The following CADM2 variants were observed in gnomAD, a reference collection of about 807,000 sequenced individuals.
CADM2 encodes the protein cell adhesion molecule 2.
In CADM2, 12 loss-of-function variants were observed where a neutral mutation model predicts 49.8. The observed-to-expected ratio is 0.24, with a 90% CI of 0.15 to 0.39. CADM2 has a LOEUF of 0.39. Ranked by LOEUF, CADM2 falls within the 10% of genes least tolerant of loss-of-function variation. The pLI is 1.00. For missense variants in CADM2, 378 were observed against 492.3 expected (o/e 0.77, Z 2.20); for synonymous variants, 214 against 175.4 (o/e 1.22, Z -1.74).
chr3:85,618,655 G>A (rs1160670247), intron 1 of CADM2, among the ~76,000 whole-genome samples: 1 of 151,872 alleles, frequency 6.6e-6, no homozygotes, highest in Non-Finnish European at 1.5e-5. Flanking sequence ...CTCTCTCTCT[G>A]TATATAAGGA....
intron 1 of CADM2, among the ~76,000 whole-genome samples, chr3:85,421,256 A>T (rs537074903): frequency 3.9e-5 from 6 of 152,236 alleles, no homozygotes; most frequent in African/African-American, 1.4e-4. Flanking sequence ...CTAATTTTGT[A>T]TTTATTCCTG....
At chr3:85,409,432 T>G (rs1316547912) in intron 1 of CADM2, among the ~76,000 whole-genome samples, 1 of 152,156 alleles carries the variant, frequency 6.6e-6, no homozygotes, top group African/African-American at 2.4e-5. Context: ...AGTTGAGTCT[T>G]AAGGAATACT....
At chr3:84,961,456 G>A (rs2030502820) in intron 1 of CADM2, among the ~76,000 whole-genome samples, 1 of 152,234 alleles carries the variant, frequency 6.6e-6, no homozygotes, top group Admixed American at 6.5e-5. Context: ...TTCTCCCTGC[G>A]TACACCGCCG....
intron 1 of CADM2, among the ~76,000 whole-genome samples, chr3:85,427,065 A>G (rs1336753098): frequency 6.6e-6 from 1 of 151,158 alleles, no homozygotes; most frequent in Non-Finnish European, 1.5e-5. Flanking sequence ...ACTAATTTGT[A>G]TATCTAAATT....
intron 2 of CADM2, among the ~76,000 whole-genome samples, chr3:85,751,858 G>A (rs1439806486): frequency 1.3e-5 from 2 of 152,038 alleles, no homozygotes; most frequent in African/African-American, 4.8e-5. Flanking sequence ...ATAAATATCA[G>A]AACTATCACT....
chr3:85,843,384 A>ACCCCCCCC (rs2074727149), intron 3 of CADM2, among the ~76,000 whole-genome samples: 1 of 151,144 alleles, frequency 6.6e-6, no homozygotes, highest in African/African-American at 2.4e-5. Flanking sequence ...CTCCTACCCA[A>ACCCCCCCC]CCCCGCCCCC....
At chr3:85,324,651 C>T (rs2044700692) in intron 1 of CADM2, among the ~76,000 whole-genome samples, 1 of 152,186 alleles carries the variant, frequency 6.6e-6, no homozygotes, top group African/African-American at 2.4e-5. Context: ...AGATCATCCA[C>T]ACATATTTTA....
At chr3:85,131,630 A>G (rs187874378) in intron 1 of CADM2, among the ~76,000 whole-genome samples, 17 of 152,304 alleles carry the variant, frequency 1.1e-4, no homozygotes, top group Admixed American at 3.3e-4. Flanking sequence ...TACCATTAAT[A>G]TTCTCCATTT....
intron 1 of CADM2, among the ~76,000 whole-genome samples, chr3:85,285,164 G>C (rs1043523849): frequency 6.6e-6 from 1 of 152,094 alleles, no homozygotes; most frequent in Non-Finnish European, 1.5e-5. Flanking sequence ...TTAGGATTGA[G>C]TTTCAGACAA....
chr3:85,855,031 A>G (rs2075254173), intron 3 of CADM2, among the ~76,000 whole-genome samples: 1 of 152,088 alleles, frequency 6.6e-6, no homozygotes, highest in African/African-American at 2.4e-5. Flanking sequence ...GACCTCATCA[A>G]AGGTCTCTTG....
chr3:85,607,325 T>C (rs889106102), intron 1 of CADM2, among the ~76,000 whole-genome samples: 2 of 152,076 alleles, frequency 1.3e-5, no homozygotes, highest in African/African-American at 4.8e-5. Context: ...TGTGTGCTCA[T>C]GAAGACAGTA....
At chr3:85,625,906 A>G (rs1036192079) in intron 1 of CADM2, among the ~76,000 whole-genome samples, 1 of 151,972 alleles carries the variant, frequency 6.6e-6, no homozygotes, top group Non-Finnish European at 1.5e-5. Context: ...CGATATCTTG[A>G]CCCTGTTTTT....
chr3:85,449,169 C>T, intron 1 of CADM2, among the ~76,000 whole-genome samples: 1 of 150,858 alleles, frequency 6.6e-6, no homozygotes, highest in East Asian at 1.9e-4. Flanking sequence ...ATTCAGTCTT[C>T]AGCGTTTCAT....
chr3:85,868,332 G>C (rs1236239063), intron 3 of CADM2, among the ~76,000 whole-genome samples: 1 of 151,754 alleles, frequency 6.6e-6, no homozygotes, highest in African/African-American at 2.4e-5. Flanking sequence ...TATAATGTTG[G>C]ATATTTATTT....
intron 1 of CADM2, among the ~76,000 whole-genome samples, chr3:85,424,216 G>A (rs1332613815): frequency 6.6e-6 from 1 of 151,858 alleles, no homozygotes; most frequent in Non-Finnish European, 1.5e-5. Flanking sequence ...GAATCTTAAA[G>A]TAGCATTAGT....
Position 85,961,666 on chromosome 3 carries a change from A to G in CADM2, c.970+19A>G. On this transcript the variant is annotated intron_variant, in intron 8 of 9. Transcript: ENST00000383699. Reference sequence around the variant, plus strand: ...GTGCATGGTGAGTAAATTTTGGAAAACATTATATGTGAAAGGATGCATAAC... The same window carrying G: ...GTGCATGGTGAGTAAATTTTGGAAAGCATTATATGTGAAAGGATGCATAAC... 1 of 1,506,708 alleles carries G rather than the reference A, an allele frequency of 6.6e-7. No individual in the cohort carries two copies. The highest frequency in any genetic ancestry group is 1.3e-5 in the South Asian group (1 of 74,730). The allele number at this position is 1,506,708 out of a possible 1,614,324, so 93.3% of individuals were successfully genotyped here. A position where few individuals can be genotyped will look rare whatever the true frequency, so the allele number is the denominator to read the frequency against.
chr3:85,907,195 C>G (rs1320042691), intron 5 of CADM2, among the ~76,000 whole-genome samples: 2 of 152,124 alleles, frequency 1.3e-5, no homozygotes, highest in Non-Finnish European at 2.9e-5. Flanking sequence ...GGTTATGGCA[C>G]AAAATCATTA....
At chr3:85,204,508 T>A (rs1229703580) in intron 1 of CADM2, among the ~76,000 whole-genome samples, 2 of 152,172 alleles carry the variant, frequency 1.3e-5, no homozygotes, top group Non-Finnish European at 2.9e-5. Flanking sequence ...GAGAGATTAG[T>A]TGCTTGTTCC....
chr3:85,293,001 G>A (rs1167818249), intron 1 of CADM2, among the ~76,000 whole-genome samples: 1 of 152,132 alleles, frequency 6.6e-6, no homozygotes, highest in Non-Finnish European at 1.5e-5. Context: ...GATTCCAGGA[G>A]CTGGTTTTTT....
Sources: gnomAD v4.1 joint callset for allele counts (sites outside exome capture counted in the v4.1 genomes callset) on GRCh38, gnomAD v4.1.1 for gene constraint, MANE v1.5 for transcripts, NCBI Gene and HGNC (gene_info 2026-07-23, HGNC 2026-07-21) for gene names.